Variants in TMEM132C observed in about 807,000 individuals in gnomAD.
The protein encoded by TMEM132C is protein phosphatase 1, regulatory subunit 152.
In TMEM132C, 29 loss-of-function variants were observed where a neutral mutation model predicts 61.4. The ratio of observed to expected loss-of-function variants is 0.47; its 90% CI spans 0.35 to 0.64. TMEM132C has a LOEUF of 0.64. Ranked by LOEUF, TMEM132C falls within the 30% of genes least tolerant of loss-of-function variation. The pLI is 0.00. For missense variants in TMEM132C, 1,408 were observed against 1,476.9 expected (o/e 0.95, Z 0.76); for synonymous variants, 656 against 633.1 (o/e 1.04, Z -0.54).
At position 128,667,627 on chromosome 12, in the gene TMEM132C, G is replaced by A. The variant is rs376920752; in HGVS notation, c.1306-1790G>A. 1.4e-4 allele frequency among the ~76,000 whole-genome samples: 21 copies of A among 152,284 alleles called. No individual in the cohort carries two copies. The South Asian group carries it at 3.1e-3, about 23-fold the overall frequency. On this transcript the variant is annotated intron_variant, in intron 4 of 8. Coordinates refer to ENST00000435159, the MANE Select transcript of TMEM132C (RefSeq NM_001136103.3). ...TCAATTGCTTCCCTGGAGAAAGAAC[G>A]GAGAAAATCTTTTTCCACCTCCTGC...
chr12:128,502,323 G>A (rs922553156), intron 2 of TMEM132C, among the ~76,000 whole-genome samples: 3 of 152,218 alleles, frequency 2.0e-5, no homozygotes, highest in African/African-American at 4.8e-5. Context: ...GGAGAAGACC[G>A]AGATGTGTGT....
At chr12:128,524,511 T>A (rs555316057) in intron 2 of TMEM132C, among the ~76,000 whole-genome samples, 81 of 152,316 alleles carry the variant, frequency 5.3e-4, no homozygotes, top group African/African-American at 1.9e-3. Context: ...TCACCTTTTT[T>A]TTCAACTAAG....
At chr12:128,335,579 A>G (rs1231539974) in intron 1 of TMEM132C, among the ~76,000 whole-genome samples, 1 of 152,224 alleles carries the variant, frequency 6.6e-6, no homozygotes, top group Non-Finnish European at 1.5e-5. Flanking sequence ...TCTTTTGATT[A>G]TCATTGTAGC....
chr12:128,405,552 C>A (rs1264246542), intron 1 of TMEM132C, among the ~76,000 whole-genome samples: 1 of 152,278 alleles, frequency 6.6e-6, no homozygotes, highest in South Asian at 2.1e-4. Context: ...GTATCTTCAG[C>A]AACCAACACT....
chr12:128,338,240 G>C (rs2135951168), intron 1 of TMEM132C, among the ~76,000 whole-genome samples: 1 of 152,266 alleles, frequency 6.6e-6, no homozygotes. Flanking sequence ...GCATCTTTTA[G>C]ATCACAGAGA....
At chr12:128,539,572 G>A (rs1157301151) in intron 2 of TMEM132C, among the ~76,000 whole-genome samples, 1 of 152,098 alleles carries the variant, frequency 6.6e-6, no homozygotes, top group African/African-American at 2.4e-5. Flanking sequence ...GAGCCGAGAT[G>A]GCGCCATTGC....
At chr12:128,500,860 A>G (rs1347576113) in intron 2 of TMEM132C, among the ~76,000 whole-genome samples, 3 of 152,238 alleles carry the variant, frequency 2.0e-5, no homozygotes, top group African/African-American at 4.8e-5. Flanking sequence ...TTGAAACTAT[A>G]TATCTGTACC....
chr12:128,353,899 T>C (rs2135965034), intron 1 of TMEM132C, among the ~76,000 whole-genome samples: 1 of 152,298 alleles, frequency 6.6e-6, no homozygotes, highest in South Asian at 2.1e-4. Flanking sequence ...GGGGTTGCTG[T>C]TGTTTTCCAT....
intron 2 of TMEM132C, among the ~76,000 whole-genome samples, chr12:128,459,879 T>C (rs1870474433): frequency 1.2e-5 from 1 of 83,538 alleles, no homozygotes. Flanking sequence ...AGCAAGACTC[T>C]GTCTCAAAAA....
intron 1 of TMEM132C, among the ~76,000 whole-genome samples, chr12:128,358,009 A>T (rs1378508120): frequency 6.6e-6 from 1 of 152,178 alleles, no homozygotes; most frequent in African/African-American, 2.4e-5. Context: ...TTGTGTCGGC[A>T]TCATTGTTCC....
chr12:128,280,265 G>A (rs1004822746), intron 1 of TMEM132C, among the ~76,000 whole-genome samples: 2 of 152,182 alleles, frequency 1.3e-5, no homozygotes, highest in Non-Finnish European at 1.5e-5. Context: ...CTCAGAAGAG[G>A]AGTGTGATAC....
At chr12:128,582,256 C>T (rs1004107499) in intron 3 of TMEM132C, among the ~76,000 whole-genome samples, 2 of 152,188 alleles carry the variant, frequency 1.3e-5, no homozygotes, top group Admixed American at 1.3e-4. Flanking sequence ...GATATTCATA[C>T]CACTGGGAAT....
chr12:128,642,435 C>T (rs1954164726), intron 4 of TMEM132C, among the ~76,000 whole-genome samples: 4 of 152,168 alleles, frequency 2.6e-5, no homozygotes, highest in Admixed American at 2.6e-4. Context: ...AAATCTCATG[C>T]TGCAATGTGA....
chr12:128,559,104 CACACACACACAA>C (rs960357476), intron 3 of TMEM132C, among the ~76,000 whole-genome samples: 15 of 151,728 alleles, frequency 9.9e-5, no homozygotes, highest in African/African-American at 4.9e-5. Flanking sequence ...CAAACACACA[CACACACACACAA>C]ACACACACAC....
intron 2 of TMEM132C, among the ~76,000 whole-genome samples, chr12:128,473,787 G>A (rs1244624834): frequency 6.6e-6 from 1 of 151,758 alleles, no homozygotes; most frequent in Non-Finnish European, 1.5e-5. Context: ...CCTCTTCTTT[G>A]TGTCTCCAAT....
In TMEM132C at chr12:128,638,397, T is replaced by A. The variant is rs1445202674; in HGVS notation, c.1305+22062T>A. Among the ~76,000 whole-genome samples the A allele has an allele frequency of 3.3e-5, 5 of 152,296 alleles. No individual in the cohort carries two copies. In the East Asian group the frequency reaches 9.7e-4, roughly 29 times the overall value. On this transcript the variant is annotated intron_variant, in intron 4 of 8. Transcript: ENST00000435159. The stretch of plus-strand genomic sequence containing the variant: ...ATTAGAGCTGCCCTGGTTTGGTAAA[T>A]CTGTAAGATCAAAGTTTGCTGAACC...
chr12:128,511,977 C>T (rs1189134193), intron 2 of TMEM132C, among the ~76,000 whole-genome samples: 1 of 152,198 alleles, frequency 6.6e-6, no homozygotes, highest in African/African-American at 2.4e-5. Context: ...GGCCCAGTCC[C>T]TCTCTGGCCT....
intron 5 of TMEM132C, among the ~76,000 whole-genome samples, chr12:128,684,959 C>T (rs564833166): frequency 6.6e-6 from 1 of 152,124 alleles, no homozygotes; most frequent in African/African-American, 2.4e-5. Flanking sequence ...GGGGTGAGAA[C>T]AGGTACCGGC....
intron 2 of TMEM132C, among the ~76,000 whole-genome samples, chr12:128,463,900 T>C (rs562985932): frequency 5.3e-5 from 8 of 152,266 alleles, no homozygotes; most frequent in African/African-American, 1.9e-4. Context: ...AGACCAAGCC[T>C]CCAGCCACGG....
Sources: allele counts gnomAD v4.1 joint callset (sites outside exome capture counted in the v4.1 genomes callset), GRCh38; gene constraint gnomAD v4.1.1; transcripts MANE v1.5; gene names NCBI Gene and HGNC (gene_info 2026-07-23, HGNC 2026-07-21).